Variants in ATF6 observed in about 807,000 individuals in gnomAD.
The protein encoded by ATF6 is cyclic AMP-dependent transcription factor ATF-6 alpha.
Under a neutral mutation model 83.6 loss-of-function variants are expected in ATF6, and 53 were observed. The observed-to-expected ratio is 0.63, with a 90% CI of 0.51 to 0.80. The LOEUF (loss-of-function observed/expected upper bound fraction) is 0.80. Among genes scored for constraint, ATF6 ranks in the 30% least tolerant of loss-of-function variants. ATF6 has a pLI of 0.00. For synonymous variants in ATF6, 288 were observed against 285.8 expected, an observed-to-expected ratio of 1.01 and a Z score of -0.08; for missense variants, 744 against 797.9, an observed-to-expected ratio of 0.93 and a Z score of 0.81.
At chr1:161,780,606 C>T (rs1684611663) in intron 2 of ATF6, among the ~76,000 whole-genome samples, 1 of 152,160 alleles carries the variant, frequency 6.6e-6, no homozygotes, top group Non-Finnish European at 1.5e-5. Flanking sequence ...ATCTCCTGAC[C>T]TCGTGATCCA....
chr1:161,884,863 TTTTAAATTTGCTTTTGAC>T (rs1317336417), intron 14 of ATF6, among the ~76,000 whole-genome samples: 1 of 152,176 alleles, frequency 6.6e-6, no homozygotes, highest in Non-Finnish European at 1.5e-5. Context: ...TGGCTTCTCT[TTTTAAATTTGCTTTTGAC>T]TGTTTGTTGC....
chr1:161,836,520 C>A (rs1686221115), intron 9 of ATF6, among the ~76,000 whole-genome samples: 2 of 152,174 alleles, frequency 1.3e-5, no homozygotes, highest in Admixed American at 1.3e-4. Flanking sequence ...AGGAGGGTAA[C>A]AGAGCCAAAG....
intron 1 of ATF6, among the ~76,000 whole-genome samples, chr1:161,776,176 G>A (rs1458036172): frequency 1.3e-5 from 2 of 152,134 alleles, no homozygotes; most frequent in African/African-American, 2.4e-5. Flanking sequence ...AGAAACCAGA[G>A]CATTCTAATT....
chr1:161,834,729 A>G (rs1388947066), intron 9 of ATF6, among the ~76,000 whole-genome samples: 1 of 152,124 alleles, frequency 6.6e-6, no homozygotes, highest in Non-Finnish European at 1.5e-5. Flanking sequence ...TACATATGTA[A>G]CAAACCTGCA....
At chr1:161,846,925 G>C (rs1686499198) in intron 10 of ATF6, among the ~76,000 whole-genome samples, 1 of 151,724 alleles carries the variant, frequency 6.6e-6, no homozygotes, top group Non-Finnish European at 1.5e-5. Context: ...ATTTGTTACT[G>C]TCTCACCTGT....
chr1:161,907,097 T>G (rs1056143089), intron 14 of ATF6, among the ~76,000 whole-genome samples: 2 of 152,176 alleles, frequency 1.3e-5, no homozygotes, highest in Non-Finnish European at 2.9e-5. Flanking sequence ...CACATTTGGT[T>G]TTTGATCAGG....
intron 14 of ATF6, among the ~76,000 whole-genome samples, chr1:161,886,215 A>C (rs1173341853): frequency 6.6e-6 from 1 of 152,218 alleles, no homozygotes; most frequent in Non-Finnish European, 1.5e-5. Context: ...TCTAGGAAAT[A>C]AAAGATGGCA....
chr1:161,842,154 G>A (rs1170477486), intron 9 of ATF6, among the ~76,000 whole-genome samples: 1 of 152,064 alleles, frequency 6.6e-6, no homozygotes, highest in Non-Finnish European at 1.5e-5. Flanking sequence ...TTTCCAAACT[G>A]TCCACTTCTG....
At chr1:161,896,169 A>G (rs1188924409) in intron 14 of ATF6, among the ~76,000 whole-genome samples, 2 of 152,108 alleles carry the variant, frequency 1.3e-5, no homozygotes, top group Non-Finnish European at 2.9e-5. Context: ...GTGCAGTGGC[A>G]CAATCTCGGC....
intron 4 of ATF6, among the ~76,000 whole-genome samples, chr1:161,787,200 C>G (rs1684765089): frequency 6.6e-6 from 1 of 152,120 alleles, no homozygotes; most frequent in Admixed American, 6.5e-5. Context: ...TGCTTTTTCT[C>G]TCTATGCCAT....
chr1:161,779,982 C>T (rs956013567), intron 2 of ATF6, among the ~76,000 whole-genome samples: 2 of 152,120 alleles, frequency 1.3e-5, no homozygotes, highest in African/African-American at 2.4e-5. Context: ...AAGTGGTCCA[C>T]CCACCTCGGC....
At chr1:161,807,319 C>T (rs936407137) in intron 7 of ATF6, among the ~76,000 whole-genome samples, 4 of 152,166 alleles carry the variant, frequency 2.6e-5, no homozygotes, top group African/African-American at 4.8e-5. Flanking sequence ...GTTGAAGTTG[C>T]TTATCTGTAA....
chr1:161,945,597 T>G (rs4656339), intron 15 of ATF6, among the ~76,000 whole-genome samples: 3 of 152,166 alleles, frequency 2.0e-5, no homozygotes, highest in Non-Finnish European at 4.4e-5. Flanking sequence ...CTTATCTTTT[T>G]CAACAAAACT....
chr1:161,927,093 G>C (rs1351253162), intron 15 of ATF6, among the ~76,000 whole-genome samples: 1 of 151,898 alleles, frequency 6.6e-6, no homozygotes, highest in African/African-American at 2.4e-5. Flanking sequence ...TAATTTACTG[G>C]AAAACAAGGC....
chr1:161,877,272 T>C (rs977904020), intron 14 of ATF6, among the ~76,000 whole-genome samples: 2 of 152,288 alleles, frequency 1.3e-5, no homozygotes, highest in South Asian at 2.1e-4. Context: ...AGGGAACTTA[T>C]AGTTTAGTTG....
chr1:161,770,825 A>G (rs953100785), intron 1 of ATF6, among the ~76,000 whole-genome samples: 5 of 152,152 alleles, frequency 3.3e-5, no homozygotes, highest in Admixed American at 2.6e-4. Context: ...GCATTTTCCA[A>G]TTGTTTGGGT....
intron 14 of ATF6, among the ~76,000 whole-genome samples, chr1:161,881,222 T>C (rs143335988): frequency 2.2e-4 from 33 of 152,266 alleles, no homozygotes; most frequent in African/African-American, 7.5e-4. Context: ...ATAGATTTGC[T>C]GGGTCTTCTA....
intron 7 of ATF6, among the ~76,000 whole-genome samples, chr1:161,802,516 C>T (rs1685179949): frequency 6.6e-6 from 1 of 152,054 alleles, no homozygotes; most frequent in African/African-American, 2.4e-5. Flanking sequence ...AGTATGCATA[C>T]CTCCCTCTTC....
intron 10 of ATF6, among the ~76,000 whole-genome samples, chr1:161,851,232 T>TC: frequency 6.0e-5 from 3 of 50,266 alleles, no homozygotes; most frequent in Admixed American, 5.2e-4. Context: ...ACCCTATCCT[T>TC]AACACACACA....
Sources: allele counts gnomAD v4.1 joint callset (sites outside exome capture counted in the v4.1 genomes callset), GRCh38; gene constraint gnomAD v4.1.1; transcripts MANE v1.5; gene names NCBI Gene and HGNC (gene_info 2026-07-23, HGNC 2026-07-21).